SELENOI: variants seen among roughly 807,000 people sequenced by gnomAD.
SELENOI encodes ethanolaminephosphotransferase 1.
A neutral mutation model predicts 50.7 loss-of-function variants in SELENOI; 24 were observed. The observed-to-expected ratio is 0.47, with a 90% CI of 0.34 to 0.67. SELENOI has a LOEUF of 0.67. Ranked by LOEUF, SELENOI falls within the 30% of genes least tolerant of loss-of-function variation. The pLI, the probability that SELENOI is intolerant of heterozygous loss-of-function variation, is 0.01. For missense variants in SELENOI, 352 were observed against 461.4 expected, an observed-to-expected ratio of 0.76 and a Z score of 2.17; for synonymous variants, 155 against 170.2, an observed-to-expected ratio of 0.91 and a Z score of 0.70.
At chr2:26,350,849 A>G (rs1371491497) in intron 1 of SELENOI, among the ~76,000 whole-genome samples, 2 of 152,146 alleles carry the variant, frequency 1.3e-5, no homozygotes, top group Non-Finnish European at 2.9e-5. Flanking sequence ...AAGGAGAGAG[A>G]GAGAGATGCT....
intron 7 of SELENOI, 105 bp downstream of exon 7, chr2:26,383,452 A>C: frequency 1.3e-6 from 1 of 770,008 alleles, no homozygotes; most frequent in Non-Finnish European, 2.1e-6. Flanking sequence ...CATTTTGAAA[A>C]GGTCACAAAA....
chr2:26,373,208 G>A (rs1677495930), intron 4 of SELENOI, among the ~76,000 whole-genome samples, 159 bp from the exon 5 acceptor site: 1 of 152,204 alleles, frequency 6.6e-6, no homozygotes, highest in Non-Finnish European at 1.5e-5. Flanking sequence ...TTGAAGTGTA[G>A]AATTAAATAA....
chr2:26,353,573 A>G (rs547195209), intron 1 of SELENOI, among the ~76,000 whole-genome samples: 4 of 152,340 alleles, frequency 2.6e-5, no homozygotes, highest in Admixed American at 2.6e-4. Context: ...GATTTGGGGA[A>G]CTGCCCTCTG....
At chr2:26,384,844 A>G in intron 7 of SELENOI, 115 bp from the exon 8 acceptor site, 1 of 683,168 alleles carries the variant, frequency 1.5e-6, no homozygotes, top group Non-Finnish European at 2.2e-6. Flanking sequence ...CTATGCCACA[A>G]GATTATTGTG....
intron 1 of SELENOI, among the ~76,000 whole-genome samples, chr2:26,360,638 A>C (rs17529423): frequency 0.29 from 43,601 of 152,074 alleles, 7,218 homozygotes; most frequent in Middle Eastern, 0.37. Context: ...TCTGATCTGA[A>C]CTTACAACTT....
chr2:26,379,470 G>A (rs1246995873), intron 6 of SELENOI, among the ~76,000 whole-genome samples: 3 of 151,932 alleles, frequency 2.0e-5, no homozygotes, highest in African/African-American at 7.3e-5. Context: ...AGCTTATTTT[G>A]ATACAGGTTT....
intron 5 of SELENOI, among the ~76,000 whole-genome samples, chr2:26,373,962 G>A (rs1040486910): frequency 1.3e-5 from 2 of 151,970 alleles, no homozygotes; most frequent in African/African-American, 4.8e-5. Context: ...ATGTTGGCTG[G>A]GCTGGTCTCT....
At chr2:26,360,122 C>T (rs1465094196) in intron 1 of SELENOI, among the ~76,000 whole-genome samples, 1 of 152,210 alleles carries the variant, frequency 6.6e-6, no homozygotes, top group East Asian at 1.9e-4. Context: ...CAAACATTAA[C>T]AAACCCAAAT....
At chr2:26,374,973 G>A in intron 5 of SELENOI, 67 bp from the exon 6 acceptor site, 1 of 1,071,440 alleles carries the variant, frequency 9.3e-7, no homozygotes. Flanking sequence ...GCTGCATAAA[G>A]CATGGTGACT....
intron 1 of SELENOI, among the ~76,000 whole-genome samples, chr2:26,350,842 G>T (rs62130525): frequency 4.1e-4 from 63 of 151,862 alleles, no homozygotes; most frequent in African/African-American, 1.4e-3. Flanking sequence ...TAGAGAGAAG[G>T]AGAGAGAGAG....
chr2:26,382,877 C>T (rs1677737701), intron 6 of SELENOI, among the ~76,000 whole-genome samples: 1 of 152,076 alleles, frequency 6.6e-6, no homozygotes, highest in Admixed American at 6.6e-5. Flanking sequence ...AACAGGATTC[C>T]CCCTTTGAGT....
chr2:26,391,835 A>G lies in SELENOI; in HGVS notation c.*2732A>G, dbSNP rs1310040496. 4 of 152,166 alleles carry G rather than the reference A, an allele frequency of 2.6e-5. No homozygotes were observed. Among genetic ancestry groups the G allele is most frequent in the Non-Finnish European group, 5.9e-5 (4 of 68,026 alleles). The allele number at this position is 152,166 out of a possible 1,614,324, so 9.4% of individuals were successfully genotyped here. On this transcript the variant is annotated 3_prime_UTR_variant, in exon 10 of 10. Transcript: ENST00000260585. ...TAATGCTGCCTTTTGTGATCCTTTA[A>G]TATTATCCATGCTTTTATAAAGTGC...
chr2:26,371,086 C>T (rs1329311763), intron 4 of SELENOI, among the ~76,000 whole-genome samples: 8 of 135,382 alleles, frequency 5.9e-5, no homozygotes, highest in East Asian at 2.4e-4. Flanking sequence ...CCGGACGGGG[C>T]GGCTGGCCGG....
At position 26,389,823 on chromosome 2, in the gene SELENOI, C is replaced by T. The variant is rs1307983279; in HGVS notation, c.*720C>T. The stretch of plus-strand genomic sequence containing the variant: ...CATTGTTTAAATATGGCATTTTCCC[C>T]CCTTCAGCTGCAGGTTCCTGAGATT... On this transcript the variant is annotated 3_prime_UTR_variant, in exon 10 of 10. Transcript: ENST00000260585. 6.6e-6 allele frequency: 1 copy of T among 151,860 alleles called. No individual in the cohort carries two copies. The highest frequency in any genetic ancestry group is 1.9e-4 in the East Asian group (1 of 5,168). 9.4% of individuals were successfully genotyped at this position (151,860 alleles called of 1,614,324 possible). A position where few individuals can be genotyped will look rare whatever the true frequency, so the allele number is the denominator to read the frequency against.
intron 1 of SELENOI, among the ~76,000 whole-genome samples, chr2:26,351,773 C>T (rs764554945): frequency 6.6e-5 from 10 of 152,108 alleles, no homozygotes; most frequent in Admixed American, 3.3e-4. Context: ...AGAATCACTT[C>T]GGGAGGGTCT....
chr2:26,372,391 G>A (rs1332443032), intron 4 of SELENOI, among the ~76,000 whole-genome samples: 1 of 152,194 alleles, frequency 6.6e-6, no homozygotes, highest in Non-Finnish European at 1.5e-5. Flanking sequence ...GATCATAGGC[G>A]TGAGCCACCA....
At position 26,379,618 on chromosome 2, in the gene SELENOI, A is replaced by T. The variant is rs532547932; in HGVS notation, c.683-3681A>T. Among the ~76,000 whole-genome samples, 42 of 152,158 alleles carry T rather than the reference A, an allele frequency of 2.8e-4. 1 individual carries two copies. The South Asian group carries it at 8.3e-3, about 30-fold the overall frequency. ...CTGCTGCAAGTATATATATATATAT[A>T]TTTTAACCTGCTACCTTAAACTATT... On this transcript the variant is annotated intron_variant, in intron 6 of 9. Coordinates refer to ENST00000260585, the MANE Select transcript of SELENOI (RefSeq NM_033505.4).
intron 1 of SELENOI, among the ~76,000 whole-genome samples, chr2:26,349,826 G>A (rs1270099039): frequency 6.7e-6 from 1 of 148,410 alleles, no homozygotes; most frequent in Non-Finnish European, 1.5e-5. Flanking sequence ...AAAGTTATTT[G>A]TCTGGGCACA....
rs554535210 is a variant in SELENOI, at chr2:26,362,181, T to C, written c.58-2121T>C. On this transcript the variant is annotated intron_variant, in intron 1 of 9. Transcript: ENST00000260585. ...ACCTCCCGGGTTCACGCCATTCTCCTACCTCAGCCTCCCGAGTAGCTAGGA... is the reference window on the plus strand; with the variant it reads ...ACCTCCCGGGTTCACGCCATTCTCCCACCTCAGCCTCCCGAGTAGCTAGGA... Among the ~76,000 whole-genome samples the C allele has an allele frequency of 9.9e-5, 15 of 152,168 alleles. No homozygotes were observed. In the South Asian group the frequency reaches 1.7e-3, roughly 17 times the overall value.
Sources: allele counts gnomAD v4.1 joint callset (sites outside exome capture counted in the v4.1 genomes callset), GRCh38; gene constraint gnomAD v4.1.1; transcripts MANE v1.5; gene names NCBI Gene and HGNC (gene_info 2026-07-23, HGNC 2026-07-21).